Variants in CPA5 observed in about 807,000 individuals in gnomAD.
CPA5 encodes testicular tissue protein Li 32.
In CPA5, 38 loss-of-function variants were observed where a neutral mutation model predicts 52.2. The ratio of observed to expected loss-of-function variants is 0.73; its 90% CI spans 0.56 to 0.95. The LOEUF is 0.95. Among genes scored for constraint, CPA5 ranks in the 40% least tolerant of loss-of-function variants. The pLI, the probability that CPA5 is intolerant of heterozygous loss-of-function variation, is 0.00. For synonymous variants in CPA5, 198 were observed against 213.7 expected, an observed-to-expected ratio of 0.93 and a Z score of 0.64; for missense variants, 519 against 566.7, an observed-to-expected ratio of 0.92 and a Z score of 0.86.
downstream of CPA5, among the ~76,000 whole-genome samples, chr7:130,368,989 C>T (rs1796251907): frequency 1.3e-5 from 2 of 152,170 alleles, no homozygotes; most frequent in African/African-American, 4.8e-5. Context: ...AATGTTTGCT[C>T]TAAAAGAGCA....
At chr7:130,367,700 CGG>C in intron 11 of CPA5, 129 bp downstream of exon 11, 2 of 975,480 alleles carry the variant, frequency 2.1e-6, no homozygotes, top group Non-Finnish European at 3.2e-6. Flanking sequence ...CCCCATGGTG[CGG>C]GGGTGGGGTA....
At chr7:130,373,700 C>G (rs947659222), downstream of CPA5, among the ~76,000 whole-genome samples, 1 of 152,212 alleles carries the variant, frequency 6.6e-6, no homozygotes, top group South Asian at 2.1e-4. Context: ...GTAAAAATGC[C>G]CCTTTAGGAA....
In CPA5 at chr7:130,359,510, C is replaced by T. The variant is rs891974186; in HGVS notation, c.334-79C>T. On this transcript the variant is annotated intron_variant, in intron 5 of 12. Coordinates refer to ENST00000474905, the MANE Select transcript of CPA5 (RefSeq NM_080385.5). ...TGTTGCTGCTGTCTTTATGCACAGC[C>T]AGTGGAGGCAGGGCTCAGAAGAGGC... The T allele has an allele frequency of 6.8e-5, 65 of 954,302 alleles. No individual in the cohort carries two copies. The Admixed American group carries it at 8.0e-4, about 12-fold the overall frequency. 59.1% of individuals were successfully genotyped at this position (954,302 alleles called of 1,614,324 possible). A position where few individuals can be genotyped will look rare whatever the true frequency, so the allele number is the denominator to read the frequency against.
At chr7:130,360,720 G>C (rs1554406366) in intron 6 of CPA5, among the ~76,000 whole-genome samples, 1 of 152,194 alleles carries the variant, frequency 6.6e-6, no homozygotes, top group Non-Finnish European at 1.5e-5. Context: ...CTGCCTTCAA[G>C]GGGCTTACAG....
At chr7:130,370,592 G>A (rs562565184), downstream of CPA5, among the ~76,000 whole-genome samples, 69 of 152,292 alleles carry the variant, frequency 4.5e-4, no homozygotes, top group Middle Eastern at 6.8e-3. Flanking sequence ...AGGAAAGCAA[G>A]GTTCGGAGAT....
chr7:130,355,527 T>C (rs911917864), intron 5 of CPA5, among the ~76,000 whole-genome samples: 8 of 151,972 alleles, frequency 5.3e-5, no homozygotes, highest in African/African-American at 1.9e-4. Flanking sequence ...CTGCCTCAGT[T>C]TCCCAAGTAG....
At chr7:130,350,284 C>G (rs1483451211) in intron 5 of CPA5, among the ~76,000 whole-genome samples, 175 bp downstream of exon 5, 2 of 152,122 alleles carry the variant, frequency 1.3e-5, no homozygotes, top group African/African-American at 4.8e-5. Context: ...GAATCTGAAG[C>G]TAGGACAGGA....
chr7:130,347,818 G>A lies in CPA5; in HGVS notation c.169G>A (p.Gly57Arg), dbSNP rs782026842. 1.2e-5 allele frequency: 19 copies of A among 1,614,004 alleles called. No homozygotes were observed. Among genetic ancestry groups the A allele is most frequent in the East Asian group, 4.5e-5 (2 of 44,870 alleles). Residue 57 changes from glycine to arginine, a missense_variant, in exon 4 of 13, where the codon GGG becomes AGG. By Grantham distance (125) the Gly-to-Arg change is moderately radical. Transcript: ENST00000474905. ...AGATGAGAAGCAGCTTTCACTTCTCGGGGATCTGGAGGGCCTGAAACCCCA... is the reference window on the plus strand; with the variant it reads ...AGATGAGAAGCAGCTTTCACTTCTCAGGGATCTGGAGGGCCTGAAACCCCA... ...AKDEKQLSLL[G>R]DLEGLKPQKV...
chr7:130,364,347 C>A (rs1554407623), intron 10 of CPA5, among the ~76,000 whole-genome samples: 1 of 152,186 alleles, frequency 6.6e-6, no homozygotes, highest in East Asian at 1.9e-4. Context: ...TGCCCACCAC[C>A]ACGCTGGGCT....
At chr7:130,370,395 G>A (rs1796283569), downstream of CPA5, among the ~76,000 whole-genome samples, 1 of 152,080 alleles carries the variant, frequency 6.6e-6, no homozygotes, top group Admixed American at 6.5e-5. Flanking sequence ...AAAGTTTTCT[G>A]CTGCTAGTGG....
intron 10 of CPA5, among the ~76,000 whole-genome samples, chr7:130,367,079 T>C (rs1554408588): frequency 6.6e-6 from 1 of 152,210 alleles, no homozygotes; most frequent in African/African-American, 2.4e-5. Flanking sequence ...GGCGGCTTTC[T>C]TCCGCAGTGA....
chr7:130,373,733 G>C, the CPA5 span, among the ~76,000 whole-genome samples: 16,543 of 152,344 alleles, frequency 0.11, 930 homozygotes, highest in East Asian at 0.17. Context: ...CAGGCAGCCG[G>C]TCAGCACAGG....
chr7:130,353,302 T>G (rs935790036), intron 5 of CPA5, among the ~76,000 whole-genome samples: 9 of 152,016 alleles, frequency 5.9e-5, no homozygotes, highest in African/African-American at 1.2e-4. Context: ...CACACGCAAC[T>G]TCCAGATCCA....
chr7:130,352,544 A>C (rs1472065032), intron 5 of CPA5, among the ~76,000 whole-genome samples: 1 of 152,164 alleles, frequency 6.6e-6, no homozygotes, highest in Non-Finnish European at 1.5e-5. Context: ...CCCCACCCCG[A>C]TTGGTGATGA....
chr7:130,368,755 C>T, downstream of CPA5: 3 of 707,710 alleles, frequency 4.2e-6, no homozygotes, highest in East Asian at 2.7e-5. Flanking sequence ...TGTTGGCTAC[C>T]ACCCCTATGG....
chr7:130,370,752 A>G (rs1554409839), downstream of CPA5, among the ~76,000 whole-genome samples: 2 of 152,250 alleles, frequency 1.3e-5, no homozygotes, highest in African/African-American at 4.8e-5. Context: ...CTTGTTTAAC[A>G]GGAAGGGATT....
At chr7:130,372,868 C>T (rs912528425), downstream of CPA5, among the ~76,000 whole-genome samples, 22 of 152,154 alleles carry the variant, frequency 1.4e-4, no homozygotes, top group Non-Finnish European at 1.6e-4. Flanking sequence ...ATTTCTTGCT[C>T]TAGTTTATCA....
In CPA5 at chr7:130,346,435, T is replaced by C; in HGVS notation, c.-51T>C. On this transcript the variant is annotated 5_prime_UTR_variant, in exon 3 of 13. Transcript: ENST00000474905. The stretch of plus-strand genomic sequence containing the variant: ...CTAGGTGCTGTGCTGTCCTGAGGCC[T>C]GGGCCATGGTGCCCAAGGAAAGCCC... The C allele has an allele frequency of 7.2e-7, 1 of 1,395,872 alleles. No homozygotes were observed. The highest frequency in any genetic ancestry group is 2.3e-5 in the East Asian group (1 of 43,876). 86.5% of individuals were successfully genotyped at this position (1,395,872 alleles called of 1,614,324 possible).
intron 3 of CPA5, among the ~76,000 whole-genome samples, chr7:130,347,124 G>A (rs1042700628): frequency 2.0e-5 from 3 of 152,170 alleles, no homozygotes; most frequent in Non-Finnish European, 4.4e-5. Context: ...CACAGCGAGC[G>A]TAGAGATGGG....
Sources: gnomAD v4.1 joint callset for allele counts (sites outside exome capture counted in the v4.1 genomes callset) on GRCh38, gnomAD v4.1.1 for gene constraint, MANE v1.5 for transcripts, NCBI Gene and HGNC (gene_info 2026-07-23, HGNC 2026-07-21) for gene names.